Variants in ZNF783 observed in about 807,000 individuals in gnomAD.
ZNF783 encodes the protein protein ZNF783.
In ZNF783, 25 loss-of-function variants were observed where a neutral mutation model predicts 31.3. That is an observed-to-expected ratio of 0.80 (90% CI 0.58 to 1.11). ZNF783 has a LOEUF of 1.11. Among genes scored for constraint, ZNF783 ranks in the 50% most tolerant of loss-of-function variants. The pLI is 0.00. For missense variants in ZNF783, 797 were observed against 760.0 expected (o/e 1.05, Z -0.57); for synonymous variants, 369 against 319.1 (o/e 1.16, Z -1.66).
rs762913552 is a variant in ZNF783 at position 149,266,341 on chromosome 7, G to T, written c.31G>T (p.Glu11Ter). The change falls in exon 2 of 6, where the codon GAG (glutamate) becomes TAG (stop). Residue 11 changes from glutamate to a stop codon, truncating the protein, a stop_gained. Transcript: ENST00000434415. LOFTEE classifies it high-confidence loss of function. MAEAAPARDP[E>*]TDKHTEDQSP... ...TTTCTCTTCTTGTGAGCAGGACCCCGAGACAGACAAGCACACAGAGGACCA... is the reference window on the plus strand; with the variant it reads ...TTTCTCTTCTTGTGAGCAGGACCCCTAGACAGACAAGCACACAGAGGACCA... The T allele has an allele frequency of 6.4e-7, 1 of 1,571,114 alleles. No individual in the cohort carries two copies.
intron 4 of ZNF783, among the ~76,000 whole-genome samples, chr7:149,273,957 ATAT>A (rs1447591313): frequency 2.0e-5 from 3 of 152,136 alleles, no homozygotes; most frequent in Non-Finnish European, 4.4e-5. Context: ...AGCCCCTTAG[ATAT>A]TTTGGTTATG....
In ZNF783 at chr7:149,266,731, G is replaced by T. The variant is rs1797080935; in HGVS notation, c.420+1G>T. ...GGGCAGCAAGGGGGAGGCCCCCAAG[G>T]TAGCACCGGGACACCCTGGGGTGGG... On this transcript the variant is annotated splice_donor_variant, in intron 2 of 5. Coordinates refer to ENST00000434415, the MANE Select transcript of ZNF783 (RefSeq NM_001195220.2). LOFTEE classifies it high-confidence loss of function. The T allele has an allele frequency of 1.9e-6, 3 of 1,613,632 alleles. No homozygotes were observed. The highest frequency in any genetic ancestry group is 1.7e-5 in the Admixed American group (1 of 59,992).
chr7:149,269,535 G>T (rs566919318), intron 4 of ZNF783, among the ~76,000 whole-genome samples: 274 of 152,280 alleles, frequency 1.8e-3, no homozygotes, highest in African/African-American at 6.2e-3. Context: ...TTTTATTCTA[G>T]AATTTTTATA....
At chr7:149,264,182 T>A (rs376614232) in intron 1 of ZNF783, among the ~76,000 whole-genome samples, 25 of 152,226 alleles carry the variant, frequency 1.6e-4, no homozygotes, top group African/African-American at 4.6e-4. Flanking sequence ...AAGAACCACA[T>A]CAGTTTTTTC....
chr7:149,281,962 A>AG lies in ZNF783; in HGVS notation c.1265dup (p.Arg423ProfsTer69). ...AGCCTGAGGGTCGCCGCTCCGTGGC[A>AG]GGGGGCCGTGCCTTGGTGGGGCGGC... On this transcript the variant is annotated frameshift_variant, in exon 6 of 6. Coordinates refer to ENST00000434415, the MANE Select transcript of ZNF783 (RefSeq NM_001195220.2). LOFTEE classifies it low-confidence loss of function (END_TRUNC). 1 of 1,567,928 alleles carries AG rather than the reference A, an allele frequency of 6.4e-7. No homozygotes were observed. The highest frequency in any genetic ancestry group is 2.3e-5 in the East Asian group (1 of 43,764).
intron 4 of ZNF783, among the ~76,000 whole-genome samples, chr7:149,273,320 C>T (rs1185122027): frequency 6.6e-6 from 1 of 152,064 alleles, no homozygotes; most frequent in Non-Finnish European, 1.5e-5. Context: ...TTTTGAGGCA[C>T]CTCCATACTG....
At chr7:149,268,729 A>T (rs1335481457) in intron 4 of ZNF783, among the ~76,000 whole-genome samples, 5 of 152,202 alleles carry the variant, frequency 3.3e-5, no homozygotes, top group African/African-American at 1.2e-4. Flanking sequence ...GCATTAGTTC[A>T]CTTAGGATTA....
intron 4 of ZNF783, among the ~76,000 whole-genome samples, chr7:149,273,248 T>G (rs1282217256): frequency 2.0e-5 from 3 of 152,146 alleles, no homozygotes; most frequent in Admixed American, 2.0e-4. Flanking sequence ...CTGATTTCCT[T>G]TCTTTTGGGT....
intron 5 of ZNF783, among the ~76,000 whole-genome samples, chr7:149,279,134 C>T (rs912442013): frequency 1.3e-5 from 2 of 152,200 alleles, no homozygotes; most frequent in Admixed American, 6.5e-5. Context: ...GCCGCTGGCC[C>T]GACTTTCAGT....
At position 149,263,298 on chromosome 7, in the gene ZNF783, GTGTGTGTATATATA is replaced by G. The variant is rs1458594231; in HGVS notation, c.24+943_24+956del. Among the ~76,000 whole-genome samples the G allele has an allele frequency of 1.1e-3, 76 of 68,028 alleles. No individual in the cohort carries two copies. The East Asian group carries it at 0.012, about 11-fold the overall frequency. The allele number at this position is 68,028 out of a possible 152,430, so 44.6% of individuals were successfully genotyped here. On this transcript the variant is annotated intron_variant, in intron 1 of 5. Coordinates refer to ENST00000434415, the MANE Select transcript of ZNF783 (RefSeq NM_001195220.2). Reference sequence around the variant, plus strand: ...TGTGTGTGTGTGTGTGTGTGTGTGTGTGTGTGTATATATATATATATATATATTTTTTTTTTAGA... The same window carrying G: ...TGTGTGTGTGTGTGTGTGTGTGTGTGTATATATATATATTTTTTTTTTAGA...
rs2129524770 is a variant in ZNF783, at chr7:149,266,380, C to T, written c.70C>T (p.Pro24Ser). The change falls in exon 2 of 6, where the codon CCC becomes TCC. Residue 24 changes from proline to serine, a missense_variant. Physicochemically the swap from Pro to Ser is moderately conservative, Grantham distance 74. Transcript: ENST00000434415. ...CACAGAGGACCAGAGTCCTTCGACACCCTTGCCCCAGCCAGCTGCTGAGAA... is the reference window on the plus strand; with the variant it reads ...CACAGAGGACCAGAGTCCTTCGACATCCTTGCCCCAGCCAGCTGCTGAGAA... ...KHTEDQSPST[P>S]LPQPAAEKNS... 36 of 1,598,960 alleles carry T rather than the reference C, an allele frequency of 2.3e-5. No individual in the cohort carries two copies. The highest frequency in any genetic ancestry group is 3.1e-5 in the Non-Finnish European group (36 of 1,179,294).
intron 1 of ZNF783, among the ~76,000 whole-genome samples, chr7:149,263,296 GTGTGTGTGTATATATATA>G (rs1390378759): frequency 1.8e-4 from 13 of 71,092 alleles, no homozygotes; most frequent in Admixed American, 6.7e-4. Flanking sequence ...GTGTGTGTGT[GTGTGTGTGTATATATATA>G]TATATATATA....
At chr7:149,269,208 T>C (rs1453689462) in intron 4 of ZNF783, among the ~76,000 whole-genome samples, 1 of 152,264 alleles carries the variant, frequency 6.6e-6, no homozygotes, top group Non-Finnish European at 1.5e-5. Flanking sequence ...ATGGTGAGCA[T>C]TTTTTCATGT....
At chr7:149,270,220 G>T (rs1428805950) in intron 4 of ZNF783, among the ~76,000 whole-genome samples, 1 of 152,190 alleles carries the variant, frequency 6.6e-6, no homozygotes, top group Non-Finnish European at 1.5e-5. Flanking sequence ...AACATTTATT[G>T]AATAGGGAAG....
Position 149,262,269 on chromosome 7 carries a change from C to T in ZNF783, c.-65C>T. On this transcript the variant is annotated 5_prime_UTR_variant, in exon 1 of 6. Coordinates refer to ENST00000434415, the MANE Select transcript of ZNF783 (RefSeq NM_001195220.2). ...CCCGCTCCGCTTCCGCCGTCGCTGCCGCGCCGCCCCGGGCCCGACAGGCCG... is the reference window on the plus strand; with the variant it reads ...CCCGCTCCGCTTCCGCCGTCGCTGCTGCGCCGCCCCGGGCCCGACAGGCCG... 7.6e-7 allele frequency: 1 copy of T among 1,308,596 alleles called. No homozygotes were observed. Among genetic ancestry groups the T allele is most frequent in the Non-Finnish European group, 9.8e-7 (1 of 1,024,586 alleles). 81.1% of individuals were successfully genotyped at this position (1,308,596 alleles called of 1,614,324 possible).
chr7:149,268,673 G>A (rs1361812688), intron 4 of ZNF783, among the ~76,000 whole-genome samples: 9 of 152,088 alleles, frequency 5.9e-5, no homozygotes, highest in Admixed American at 4.6e-4. Context: ...CATTGTTTAG[G>A]TCCCAGTTAT....
intron 1 of ZNF783, 132 bp from the exon 2 acceptor site, chr7:149,266,203 C>A (rs1052605545): frequency 3.1e-5 from 33 of 1,057,748 alleles, no homozygotes; most frequent in Middle Eastern, 3.1e-4. Context: ...CTCTCCCCCC[C>A]AGTCTGCTGC....
chr7:149,270,022 A>G (rs1002992714), intron 4 of ZNF783, among the ~76,000 whole-genome samples: 2 of 152,146 alleles, frequency 1.3e-5, no homozygotes, highest in Non-Finnish European at 2.9e-5. Flanking sequence ...ATGGCTGCAT[A>G]GTATTCCATG....
At position 149,263,316 on chromosome 7, in the gene ZNF783, ATATATATAT is replaced by A. The variant is rs1233879775; in HGVS notation, c.24+961_24+969del. Among the ~76,000 whole-genome samples, 513 of 137,742 alleles carry A rather than the reference ATATATATAT, an allele frequency of 3.7e-3. 8 individuals carry two copies. The highest frequency in any genetic ancestry group is 0.014 in the African/African-American group (492 of 35,466). 90.4% of individuals were successfully genotyped at this position (137,742 alleles called of 152,430 possible). On this transcript the variant is annotated intron_variant, in intron 1 of 5. Coordinates refer to ENST00000434415, the MANE Select transcript of ZNF783 (RefSeq NM_001195220.2). Reference sequence around the variant, plus strand: ...TGTGTGTGTGTGTGTATATATATATATATATATATTTTTTTTTTAGACACAGTCTCACTC... The same window carrying A: ...TGTGTGTGTGTGTGTATATATATATATTTTTTTTTAGACACAGTCTCACTC...
Sources: allele counts gnomAD v4.1 joint callset (sites outside exome capture counted in the v4.1 genomes callset), GRCh38; gene constraint gnomAD v4.1.1; transcripts MANE v1.5; gene names NCBI Gene and HGNC (gene_info 2026-07-23, HGNC 2026-07-21).